Variants in CNTNAP2 observed in about 807,000 individuals in gnomAD.
CNTNAP2 encodes contactin associated protein 2.
CNTNAP2 carries 98 observed loss-of-function variants against 155.2 expected under a neutral mutation model. The observed-to-expected ratio is 0.63, with a 90% CI of 0.54 to 0.75. The LOEUF is 0.75. Among genes scored for constraint, CNTNAP2 ranks in the 30% least tolerant of loss-of-function variants. The pLI is 0.00. For missense variants in CNTNAP2, 1,727 were observed against 1,688.1 expected, an observed-to-expected ratio of 1.02 and a Z score of -0.40; for synonymous variants, 651 against 631.2, an observed-to-expected ratio of 1.03 and a Z score of -0.47.
chr7:146,483,302 T>TATAC lies in CNTNAP2; in HGVS notation c.98-290966_98-290965insCATA, dbSNP rs1797000714. ...AAAAAAATATATATATATATATATA[T>TATAC]ATATATATATATATATATATATATA... On this transcript the variant is annotated intron_variant, in intron 1 of 23. Coordinates refer to ENST00000361727, the MANE Select transcript of CNTNAP2 (RefSeq NM_014141.6). Among the ~76,000 whole-genome samples, 3 of 74,344 alleles carry TATAC rather than the reference T, an allele frequency of 4.0e-5. No homozygotes were observed. The South Asian group carries it at 1.0e-3, about 26-fold the overall frequency. The allele number at this position is 74,344 out of a possible 152,430, so 48.8% of individuals were successfully genotyped here. A position where few individuals can be genotyped will look rare whatever the true frequency, so the allele number is the denominator to read the frequency against.
At chr7:147,317,822 G>A (rs989153850) in intron 9 of CNTNAP2, among the ~76,000 whole-genome samples, 1 of 88,052 alleles carries the variant, frequency 1.1e-5, no homozygotes, top group African/African-American at 4.5e-5. Context: ...ATGTGTGTGT[G>A]TGTGTGCGTG....
rs140470678 is a variant in CNTNAP2, at chr7:146,728,951, C to G, written c.98-45320C>G. On this transcript the variant is annotated intron_variant, in intron 1 of 23. Transcript: ENST00000361727. Reference sequence around the variant, plus strand: ...CTTTGGTTTCTTCTTAAACTCTGTTCAGAAAAAACTCTGAGAGGTGGCTAC... The same window carrying G: ...CTTTGGTTTCTTCTTAAACTCTGTTGAGAAAAAACTCTGAGAGGTGGCTAC... Among the ~76,000 whole-genome samples the G allele has an allele frequency of 2.2e-3, 335 of 152,264 alleles. 2 individuals carry two copies. The highest frequency in any genetic ancestry group is 5.8e-3 in the African/African-American group (242 of 41,568).
chr7:146,300,961 G>A (rs1800597892), intron 1 of CNTNAP2, among the ~76,000 whole-genome samples: 1 of 152,130 alleles, frequency 6.6e-6, no homozygotes, highest in African/African-American at 2.4e-5. Flanking sequence ...TTTAAGTGCT[G>A]AGGGTGGACT....
intron 12 of CNTNAP2, among the ~76,000 whole-genome samples, chr7:147,604,832 C>T (rs1450416742): frequency 4.6e-5 from 7 of 152,204 alleles, no homozygotes. Context: ...TCATGTGTGG[C>T]TCACTCTGAG....
At chr7:146,698,609 C>T (rs890044883) in intron 1 of CNTNAP2, among the ~76,000 whole-genome samples, 1 of 152,070 alleles carries the variant, frequency 6.6e-6, no homozygotes, top group African/African-American at 2.4e-5. Context: ...AACTGTTTAT[C>T]AGAGAGTTTG....
At chr7:148,412,859 T>C (rs963556223) in intron 23 of CNTNAP2, among the ~76,000 whole-genome samples, 1 of 152,220 alleles carries the variant, frequency 6.6e-6, no homozygotes, top group Non-Finnish European at 1.5e-5. Context: ...TTGAGAAAGT[T>C]TCTTCTACTC....
chr7:147,552,580 A>ACG (rs1251730377), intron 11 of CNTNAP2, among the ~76,000 whole-genome samples: 2 of 147,152 alleles, frequency 1.4e-5, no homozygotes, highest in Non-Finnish European at 3.0e-5. Context: ...CAACACACAC[A>ACG]CACACACACA....
chr7:147,150,278 C>A (rs1348872921), intron 8 of CNTNAP2, among the ~76,000 whole-genome samples: 1 of 151,964 alleles, frequency 6.6e-6, no homozygotes, highest in African/African-American at 2.4e-5. Context: ...CTTCATCTTT[C>A]AAAATTTGGT....
intron 13 of CNTNAP2, among the ~76,000 whole-genome samples, chr7:147,812,232 G>A (rs1367891799): frequency 1.3e-5 from 2 of 152,130 alleles, no homozygotes; most frequent in Admixed American, 6.6e-5. Flanking sequence ...GGAAGAGGAA[G>A]GAGGCCGGTG....
chr7:147,368,496 C>A (rs941374263), intron 9 of CNTNAP2, among the ~76,000 whole-genome samples: 1 of 152,104 alleles, frequency 6.6e-6, no homozygotes, highest in South Asian at 2.1e-4. Flanking sequence ...TCAATGATGG[C>A]AGCCTTGTTC....
chr7:148,101,432 A>G (rs895403323), intron 15 of CNTNAP2, among the ~76,000 whole-genome samples: 5 of 151,446 alleles, frequency 3.3e-5, no homozygotes, highest in African/African-American at 1.2e-4. Context: ...ATTAAGGAGA[A>G]AACCAAGTGG....
chr7:146,924,226 T>C (rs192984421), intron 3 of CNTNAP2, among the ~76,000 whole-genome samples: 2 of 152,214 alleles, frequency 1.3e-5, no homozygotes, highest in East Asian at 3.9e-4. Flanking sequence ...TTCCAAGTTG[T>C]CACCTATAAA....
At chr7:148,382,530 T>TAACA (rs1427129116) in intron 21 of CNTNAP2, among the ~76,000 whole-genome samples, 1 of 152,106 alleles carries the variant, frequency 6.6e-6, no homozygotes, top group African/African-American at 2.4e-5. Context: ...GAGACAAAAC[T>TAACA]AACACTGGTT....
chr7:148,292,969 T>C (rs1246773588), intron 21 of CNTNAP2, among the ~76,000 whole-genome samples: 1 of 152,166 alleles, frequency 6.6e-6, no homozygotes, highest in Non-Finnish European at 1.5e-5. Context: ...TTTTCTTCTT[T>C]ATTTGCATAT....
chr7:148,315,676 C>T (rs758150544), intron 21 of CNTNAP2, among the ~76,000 whole-genome samples: 2 of 152,106 alleles, frequency 1.3e-5, no homozygotes, highest in Non-Finnish European at 2.9e-5. Context: ...TAATCAGAAA[C>T]ATTTATGGAT....
rs561001451 is a variant in CNTNAP2 at position 146,753,247 on chromosome 7, C to CCTG, written c.98-21024_98-21023insCTG. ...ATTGCAAACACTGATTTATTTTTTT[C>CCTG]AGTCAAATAATAACTCAGGAAAAAA... On this transcript the variant is annotated intron_variant, in intron 1 of 23. Transcript: ENST00000361727. 8.4e-4 allele frequency among the ~76,000 whole-genome samples: 127 copies of CCTG among 151,318 alleles called. 3 individuals carry two copies. The South Asian group carries it at 0.026, about 30-fold the overall frequency.
chr7:147,358,596 A>G (rs1354958432), intron 9 of CNTNAP2, among the ~76,000 whole-genome samples: 1 of 152,142 alleles, frequency 6.6e-6, no homozygotes, highest in Non-Finnish European at 1.5e-5. Context: ...TGTAAAGGGT[A>G]GATGATGAAT....
chr7:147,720,495 T>C (rs1192471299), intron 13 of CNTNAP2, among the ~76,000 whole-genome samples: 2 of 152,106 alleles, frequency 1.3e-5, no homozygotes, highest in African/African-American at 4.8e-5. Flanking sequence ...CTTTCAAAAG[T>C]TTAATGCTGA....
chr7:146,876,682 C>T (rs975926916), intron 3 of CNTNAP2, among the ~76,000 whole-genome samples: 2 of 152,086 alleles, frequency 1.3e-5, no homozygotes, highest in Non-Finnish European at 2.9e-5. Flanking sequence ...GCAAAATCGC[C>T]CTCCAGATCA....
Sources: gnomAD v4.1 joint callset for allele counts (sites outside exome capture counted in the v4.1 genomes callset) on GRCh38, gnomAD v4.1.1 for gene constraint, MANE v1.5 for transcripts, NCBI Gene and HGNC (gene_info 2026-07-23, HGNC 2026-07-21) for gene names.